The following PLEKHF1 variants were observed in gnomAD, a reference collection of about 807,000 sequenced individuals.
PLEKHF1 encodes pleckstrin homology and FYVE domain containing 1.
Under a neutral mutation model 4.1 loss-of-function variants are expected in PLEKHF1, and 1 was observed. That is an observed-to-expected ratio of 0.24 (90% CI 0.09 to 1.15). The LOEUF (loss-of-function observed/expected upper bound fraction) is 1.15. PLEKHF1 is among the 50% of genes most tolerant of loss of function. PLEKHF1 has a pLI of 0.52. For missense variants in PLEKHF1, 429 were observed against 400.6 expected (o/e 1.07, Z -0.60); for synonymous variants, 182 against 178.5 (o/e 1.02, Z -0.16).
chr19:29,670,953 CG>C (rs1320785406), intron 1 of PLEKHF1, among the ~76,000 whole-genome samples: 5 of 152,142 alleles, frequency 3.3e-5, no homozygotes, highest in African/African-American at 9.7e-5. Context: ...GGATTACAGG[CG>C]TGAGTATTTT....
At position 29,671,702 on chromosome 19, in the gene PLEKHF1, G is replaced by T. The variant is rs533027265; in HGVS notation, c.-16-2122G>T. ...GCCCTTCTCAGGACACTTGTGATCT[G>T]CAGGGGCAAGTGGAACGGGACTCGA... On this transcript the variant is annotated intron_variant, in intron 1 of 1. Coordinates refer to ENST00000436066, the MANE Select transcript of PLEKHF1 (RefSeq NM_024310.5). This position sits in a 1 kb window ranked among gnomAD's most constrained non-coding sequence, Gnocchi z 4.0. Among the ~76,000 whole-genome samples the T allele has an allele frequency of 1.4e-3, 215 of 152,290 alleles. No homozygotes were observed. Among genetic ancestry groups the T allele is most frequent in the Non-Finnish European group, 2.4e-3 (160 of 68,030 alleles).
chr19:29,671,274 C>T lies in PLEKHF1; in HGVS notation c.-16-2550C>T, dbSNP rs1302790326. Among the ~76,000 whole-genome samples the T allele has an allele frequency of 6.6e-6, 1 of 152,108 alleles. No individual in the cohort carries two copies. Among genetic ancestry groups the T allele is most frequent in the Admixed American group, 6.6e-5 (1 of 15,250 alleles). On this transcript the variant is annotated intron_variant, in intron 1 of 1. Coordinates refer to ENST00000436066, the MANE Select transcript of PLEKHF1 (RefSeq NM_024310.5). This position sits in a 1 kb window ranked among gnomAD's most constrained non-coding sequence, Gnocchi z 4.0. ...GGCACTGTGTCCGGCCTTCCTCCTA[C>T]CTATTTTTATTCATAGATATAGTTC...
chr19:29,667,465 C>A (rs113590183), intron 1 of PLEKHF1, among the ~76,000 whole-genome samples: 12 of 152,268 alleles, frequency 7.9e-5, no homozygotes, highest in African/African-American at 2.6e-4. Flanking sequence ...GGTCTGCGTG[C>A]GGCCCAGGTC....
Position 29,665,512 on chromosome 19 carries a change from C to T in PLEKHF1, c.-17+7C>T, listed in dbSNP as rs770165149. On this transcript the variant is annotated splice_region_variant and intron_variant, in intron 1 of 1. Coordinates refer to ENST00000436066, the MANE Select transcript of PLEKHF1 (RefSeq NM_024310.5). Reference sequence around the variant, plus strand: ...CGCGGGGCCGGCGCAGAAGGTGAGTCCCCCCACCGTCCCCCGGCCGGGCTG... The same window carrying T: ...CGCGGGGCCGGCGCAGAAGGTGAGTTCCCCCACCGTCCCCCGGCCGGGCTG... 236 of 1,217,260 alleles carry T rather than the reference C, an allele frequency of 1.9e-4. No homozygotes were observed. The African/African-American group carries it at 3.6e-3, about 19-fold the overall frequency. The allele number at this position is 1,217,260 out of a possible 1,614,324, so 75.4% of individuals were successfully genotyped here.
chr19:29,673,479 G>A (rs1364015800), intron 1 of PLEKHF1, among the ~76,000 whole-genome samples: 1 of 151,922 alleles, frequency 6.6e-6, no homozygotes, highest in Non-Finnish European at 1.5e-5. Flanking sequence ...CAAACTCCTG[G>A]GCTCGAGCCT....
chr19:29,666,938 C>T (rs1313008517), intron 1 of PLEKHF1: 1 of 152,272 alleles, frequency 6.6e-6, no homozygotes, highest in African/African-American at 2.4e-5. Context: ...AGGGGCGGCC[C>T]CTCTGGAGGG....
rs1971635561 is a variant in PLEKHF1 at position 29,671,940 on chromosome 19, A to G, written c.-16-1884A>G. ...CTCTCACCTCTTCCTCTGTAGAGGT[A>G]AGAGCTGAGTCATGCATGGTGGGCC... On this transcript the variant is annotated intron_variant, in intron 1 of 1. Transcript: ENST00000436066. The surrounding 1 kb of genome is among the most constrained non-coding windows in gnomAD (Gnocchi z 4.0). Among the ~76,000 whole-genome samples, 1 of 151,712 alleles carries G rather than the reference A, an allele frequency of 6.6e-6. No homozygotes were observed. The highest frequency in any genetic ancestry group is 2.4e-5 in the African/African-American group (1 of 41,296).
intron 1 of PLEKHF1, chr19:29,667,270 A>G (rs1198350047): frequency 6.6e-6 from 1 of 152,186 alleles, no homozygotes; most frequent in Non-Finnish European, 1.5e-5. Context: ...CTTTTTCTTC[A>G]CAGTGTTTAG....
At chr19:29,668,184 G>T (rs1054437046) in intron 1 of PLEKHF1, among the ~76,000 whole-genome samples, 1 of 152,218 alleles carries the variant, frequency 6.6e-6, no homozygotes, top group African/African-American at 2.4e-5. Flanking sequence ...ATGCAGGTCT[G>T]TTCGTTGCCT....
intron 1 of PLEKHF1, among the ~76,000 whole-genome samples, chr19:29,666,607 C>G (rs922446942): frequency 1.3e-5 from 2 of 152,164 alleles, no homozygotes; most frequent in Non-Finnish European, 2.9e-5. Flanking sequence ...CAGGCAACAC[C>G]CGCTGGACTC....
At chr19:29,668,942 G>C (rs1487657758) in intron 1 of PLEKHF1, among the ~76,000 whole-genome samples, 2 of 152,124 alleles carry the variant, frequency 1.3e-5, no homozygotes, top group Non-Finnish European at 2.9e-5. Flanking sequence ...GCACATGTGA[G>C]CCCCTGGCTT....
chr19:29,672,186 G>A (rs549170802), intron 1 of PLEKHF1, among the ~76,000 whole-genome samples: 2 of 152,234 alleles, frequency 1.3e-5, no homozygotes, highest in Admixed American at 1.3e-4. Flanking sequence ...CCAGAGAAGT[G>A]GCCAGCAGAC....
chr19:29,673,332 C>T (rs573627306), intron 1 of PLEKHF1, among the ~76,000 whole-genome samples: 1 of 152,166 alleles, frequency 6.6e-6, no homozygotes, highest in Admixed American at 6.5e-5. Context: ...TTTCAAGGCT[C>T]CCCAGCGGGG....
At chr19:29,666,884 C>A (rs2145585033) in intron 1 of PLEKHF1, 1 of 152,430 alleles carries the variant, frequency 6.6e-6, no homozygotes, top group East Asian at 1.9e-4. Flanking sequence ...CCGGTCTCTT[C>A]CCGGAGGAGG....
At position 29,665,511 on chromosome 19, in the gene PLEKHF1, T is replaced by TC. The variant is rs1386440778; in HGVS notation, c.-17+12dup. 1 of 1,213,736 alleles carries TC rather than the reference T, an allele frequency of 8.2e-7. No individual in the cohort carries two copies. Among genetic ancestry groups the TC allele is most frequent in the Admixed American group, 2.6e-5 (1 of 38,020 alleles). The allele number at this position is 1,213,736 out of a possible 1,614,324, so 75.2% of individuals were successfully genotyped here. A position where few individuals can be genotyped will look rare whatever the true frequency, so the allele number is the denominator to read the frequency against. Reference sequence around the variant, plus strand: ...GCGCGGGGCCGGCGCAGAAGGTGAGTCCCCCCACCGTCCCCCGGCCGGGCT... The same window carrying TC: ...GCGCGGGGCCGGCGCAGAAGGTGAGTCCCCCCCACCGTCCCCCGGCCGGGCT... On this transcript the variant is annotated splice_region_variant and intron_variant, in intron 1 of 1. Transcript: ENST00000436066.
intron 1 of PLEKHF1, among the ~76,000 whole-genome samples, chr19:29,667,387 G>C (rs1168628024): frequency 6.6e-6 from 1 of 152,342 alleles, no homozygotes; most frequent in East Asian, 1.9e-4. Context: ...ACCTCGCACA[G>C]TGTCTGGCAC....
At chr19:29,668,326 G>A (rs1475830781) in intron 1 of PLEKHF1, among the ~76,000 whole-genome samples, 1 of 152,158 alleles carries the variant, frequency 6.6e-6, no homozygotes, top group East Asian at 1.9e-4. Flanking sequence ...TCTTCCCGAG[G>A]CAGGCCGGCC....
chr19:29,672,227 T>A (rs1049409440), intron 1 of PLEKHF1, among the ~76,000 whole-genome samples: 3 of 152,098 alleles, frequency 2.0e-5, no homozygotes, highest in Non-Finnish European at 4.4e-5. Context: ...TGGTGAATAT[T>A]TTAGGCTTTG....
At chr19:29,665,980 C>G (rs2145584241) in intron 1 of PLEKHF1, among the ~76,000 whole-genome samples, 1 of 152,118 alleles carries the variant, frequency 6.6e-6, no homozygotes, top group Admixed American at 6.5e-5. Context: ...GCGCTGGGGT[C>G]CCAGTTCCTC....
Sources: allele counts gnomAD v4.1 joint callset (sites outside exome capture counted in the v4.1 genomes callset), GRCh38; gene constraint gnomAD v4.1.1; non-coding constraint Gnocchi (gnomAD v3.1); transcripts MANE v1.5; gene names NCBI Gene and HGNC (gene_info 2026-07-23, HGNC 2026-07-21).